Variants in CD3G observed in about 807,000 individuals in gnomAD.
The protein encoded by CD3G is CD3 gamma subunit of T-cell receptor complex, also known as T-cell surface glycoprotein CD3 gamma chain.
CD3G carries 24 observed loss-of-function variants against 28.3 expected under a neutral mutation model. The observed-to-expected ratio is 0.85, with a 90% CI of 0.61 to 1.19. CD3G has a LOEUF of 1.19. CD3G is among the 50% of genes most tolerant of loss of function. The pLI is 0.00. For missense variants in CD3G, 211 were observed against 210.0 expected (o/e 1.00, Z -0.03); for synonymous variants, 71 against 75.9 (o/e 0.93, Z 0.34).
At chr11:118,345,439 G>C (rs1490128088) in intron 1 of CD3G, among the ~76,000 whole-genome samples, 1 of 152,194 alleles carries the variant, frequency 6.6e-6, no homozygotes, top group Non-Finnish European at 1.5e-5. Context: ...GCAGGGTATT[G>C]TGAGTGGAAG....
chr11:118,345,708 A>G (rs3212263), intron 1 of CD3G, among the ~76,000 whole-genome samples: 48,906 of 151,954 alleles, frequency 0.32, 8,176 homozygotes, highest in East Asian at 0.55. Flanking sequence ...GAGCACAGAG[A>G]GGAAGGCAAC....
intron 1 of CD3G, among the ~76,000 whole-genome samples, chr11:118,345,886 T>A (rs527471318): frequency 6.6e-6 from 1 of 152,156 alleles, no homozygotes; most frequent in African/African-American, 2.4e-5. Flanking sequence ...TGATGACCGG[T>A]TGGGAGACTT....
chr11:118,350,635 G>A lies in CD3G; in HGVS notation c.391G>A (p.Val131Ile). ...AATCGTCAGCATTTTCGTCCTTGCT[G>A]TTGGGGTCTACTTCATTGCTGGACA... The part of the protein sequence containing the change: ...AEIVSIFVLA[V>I]GVYFIAGQDG... The change falls in exon 4 of 7, where the codon GTT becomes ATT. Residue 131 changes from valine (V) to isoleucine (I), a missense_variant. Transcript: ENST00000532917. 1 of 1,613,416 alleles carries A rather than the reference G, an allele frequency of 6.2e-7. No individual in the cohort carries two copies. Among genetic ancestry groups the A allele is most frequent in the Non-Finnish European group, 8.5e-7 (1 of 1,179,820 alleles).
chr11:118,350,867 C>T, intron 4 of CD3G, 184 bp downstream of exon 4: 1 of 1,160,446 alleles, frequency 8.6e-7, no homozygotes, highest in South Asian at 1.7e-5. Flanking sequence ...GTTCACCTGT[C>T]TCAAGATACA....
intron 4 of CD3G, among the ~76,000 whole-genome samples, chr11:118,351,136 G>A (rs549207643): frequency 5.7e-5 from 8 of 139,582 alleles, no homozygotes; most frequent in African/African-American, 1.9e-4. Context: ...TGCGTGAGCC[G>A]AGATCGTGCC....
chr11:118,353,245 G>A lies in CD3G; in HGVS notation c.*145G>A, dbSNP rs200913958. 2 of 151,924 alleles carry A rather than the reference G, an allele frequency of 1.3e-5. No individual in the cohort carries two copies. The highest frequency in any genetic ancestry group is 2.4e-5 in the African/African-American group (1 of 41,356). The allele number at this position is 151,924 out of a possible 1,614,324, so 9.4% of individuals were successfully genotyped here. On this transcript the variant is annotated 3_prime_UTR_variant, in exon 7 of 7. Coordinates refer to ENST00000532917, the MANE Select transcript of CD3G (RefSeq NM_000073.3). ...CCAGAGATGACAAATGGAGAAGAAAGGCCATCAGAGCAAATTTGGGGGTTT... is the reference window on the plus strand; with the variant it reads ...CCAGAGATGACAAATGGAGAAGAAAAGCCATCAGAGCAAATTTGGGGGTTT...
chr11:118,349,339 G>T, intron 2 of CD3G: 1 of 1,305,982 alleles, frequency 7.7e-7, no homozygotes, highest in South Asian at 1.6e-5. Context: ...GCGTCACCTG[G>T]GATCCTGACG....
chr11:118,349,742 G>C lies in CD3G; in HGVS notation c.80-1G>C, dbSNP rs775848095. 10 of 1,612,016 alleles carry C rather than the reference G, an allele frequency of 6.2e-6. No individual in the cohort carries two copies. In the Admixed American group the frequency reaches 1.2e-4, roughly 19 times the overall value. ...TAGAACCACGGCTTTTCTCATTTCA[G>C]GAAACCACTTGGTTAAGGTGTATGA... On this transcript the variant is annotated splice_acceptor_variant, in intron 2 of 6. Coordinates refer to ENST00000532917, the MANE Select transcript of CD3G (RefSeq NM_000073.3). LOFTEE classifies it high-confidence loss of function.
At chr11:118,350,400 A>C (rs1339464110) in intron 3 of CD3G, 152 bp from the exon 4 acceptor site, 1 of 724,854 alleles carries the variant, frequency 1.4e-6, no homozygotes, top group Non-Finnish European at 2.5e-6. Flanking sequence ...AGATGCATTG[A>C]GTTTTGGCGC....
chr11:118,349,546 C>A (rs1054479273), intron 2 of CD3G, 197 bp from the exon 3 acceptor site: 7 of 641,360 alleles, frequency 1.1e-5, no homozygotes, highest in East Asian at 2.8e-5. Context: ...TGGCGTCACC[C>A]GAGAGCATGT....
Position 118,344,497 on chromosome 11 carries a change from T to C in CD3G, c.55+19T>C, listed in dbSNP as rs1191531910. 1 of 1,555,114 alleles carries C rather than the reference T, an allele frequency of 6.4e-7. No homozygotes were observed. The highest frequency in any genetic ancestry group is 1.2e-5 in the South Asian group (1 of 84,436). On this transcript the variant is annotated intron_variant, in intron 1 of 6. Coordinates refer to ENST00000532917, the MANE Select transcript of CD3G (RefSeq NM_000073.3). ...CTTCAAGGTAAGGGCCTACTAGGGG[T>C]CTGGAAGCCTGGGGAAGGGCTCAAG...
At position 118,351,702 on chromosome 11, in the gene CD3G, C is replaced by T. The variant is rs757487886; in HGVS notation, c.483+31C>T. On this transcript the variant is annotated intron_variant, in intron 5 of 6. Transcript: ENST00000532917. ...GGGATGAAGAATAAAAGAGACATTG[C>T]TGTAATTAGTGGGGGTAAATCTTTG... 5 of 1,605,862 alleles carry T rather than the reference C, an allele frequency of 3.1e-6. No individual in the cohort carries two copies. In the Admixed American group the frequency reaches 8.3e-5, roughly 27 times the overall value.
chr11:118,354,448 A>C lies in CD3G; in HGVS notation c.*1348A>C, dbSNP rs1948434184. Reference sequence around the variant, plus strand: ...CTCCCGAGTAGCTGAGACTACAGGCACATGCCACCACGCCCAGCTCATTTT... The same window carrying C: ...CTCCCGAGTAGCTGAGACTACAGGCCCATGCCACCACGCCCAGCTCATTTT... On this transcript the variant is annotated 3_prime_UTR_variant, in exon 7 of 7. Coordinates refer to ENST00000532917, the MANE Select transcript of CD3G (RefSeq NM_000073.3). 6.6e-6 allele frequency: 1 copy of C among 151,178 alleles called. No individual in the cohort carries two copies. Among genetic ancestry groups the C allele is most frequent in the Non-Finnish European group, 1.5e-5 (1 of 67,898 alleles). 9.4% of individuals were successfully genotyped at this position (151,178 alleles called of 1,614,324 possible). A position where few individuals can be genotyped will look rare whatever the true frequency, so the allele number is the denominator to read the frequency against.
rs1948426061 is a variant in CD3G, at chr11:118,353,414, G to C, written c.*314G>C. On this transcript the variant is annotated 3_prime_UTR_variant, in exon 7 of 7. Transcript: ENST00000532917. ...GTGTTGTAATTTTTATTTCGTTTTT[G>C]TATAGGTTATAATTCACATGGCTCA... The C allele has an allele frequency of 6.6e-6, 1 of 151,142 alleles. No individual in the cohort carries two copies. Among genetic ancestry groups the C allele is most frequent in the African/African-American group, 2.4e-5 (1 of 41,152 alleles). 9.4% of individuals were successfully genotyped at this position (151,142 alleles called of 1,614,324 possible).
At position 118,348,980 on chromosome 11, in the gene CD3G, A is replaced by G. The variant is rs773443248; in HGVS notation, c.56-47A>G. ...CATGGAAATACTTCAGGGCATCTGAACAACTCCATGCCCAGCTAATACTCT... is the reference window on the plus strand; with the variant it reads ...CATGGAAATACTTCAGGGCATCTGAGCAACTCCATGCCCAGCTAATACTCT... On this transcript the variant is annotated intron_variant, in intron 1 of 6. Coordinates refer to ENST00000532917, the MANE Select transcript of CD3G (RefSeq NM_000073.3). 4.4e-6 allele frequency: 7 copies of G among 1,607,270 alleles called. No individual in the cohort carries two copies. The East Asian group carries it at 1.1e-4, about 26-fold the overall frequency.
chr11:118,350,132 T>C, intron 3 of CD3G, 162 bp downstream of exon 3: 1 of 658,772 alleles, frequency 1.5e-6, no homozygotes, highest in Non-Finnish European at 2.6e-6. Flanking sequence ...GTAAGATACT[T>C]CCCTCACCCT....
Position 118,351,653 on chromosome 11 carries a change from C to T in CD3G, c.465C>T (p.Pro155=). 1 of 1,613,868 alleles carries T rather than the reference C, an allele frequency of 6.2e-7. No homozygotes were observed. The highest frequency in any genetic ancestry group is 1.3e-5 in the African/African-American group (1 of 74,964). ...SRASDKQTLL[P]NDQLYQPLKD... Reference sequence around the variant, plus strand: ...CTTCAGACAAGCAGACTCTGTTGCCCAATGACCAGCTCTACCAGGTAAGGG... The same window carrying T: ...CTTCAGACAAGCAGACTCTGTTGCCTAATGACCAGCTCTACCAGGTAAGGG... The change falls in exon 5 of 7, where the codon CCC becomes CCT. Residue 155 remains proline, a synonymous_variant. Transcript: ENST00000532917.
Position 118,350,544 on chromosome 11 carries a change from C to T in CD3G, c.308-8C>T. ...AACCTGAAGGTTTGTCTCTCCTTTT[C>T]CCTACAGTGTGTCAGAACTGCATTG... On this transcript the variant is annotated splice_region_variant and splice_polypyrimidine_tract_variant and intron_variant, in intron 3 of 6. Coordinates refer to ENST00000532917, the MANE Select transcript of CD3G (RefSeq NM_000073.3). The T allele has an allele frequency of 1.2e-6, 2 of 1,605,724 alleles. No homozygotes were observed. The highest frequency in any genetic ancestry group is 1.1e-5 in the South Asian group (1 of 90,872).
In CD3G at chr11:118,351,747, T is replaced by C. The variant is rs579037; in HGVS notation, c.483+76T>C. On this transcript the variant is annotated intron_variant, in intron 5 of 6. Transcript: ENST00000532917. ...TCTTTGGGATTGAGGGGCATGTTAT[T>C]TGGAAGATCCTATACAGGTAAGAAA... 6,895 of 1,370,836 alleles carry C rather than the reference T, an allele frequency of 5.0e-3. 31 individuals are homozygous for C. Among genetic ancestry groups the C allele is most frequent in the Non-Finnish European group, 6.2e-3 (5,922 of 959,440 alleles). 84.9% of individuals were successfully genotyped at this position (1,370,836 alleles called of 1,614,324 possible).
Sources: gnomAD v4.1 joint callset for allele counts (sites outside exome capture counted in the v4.1 genomes callset) on GRCh38, gnomAD v4.1.1 for gene constraint, MANE v1.5 for transcripts, NCBI Gene and HGNC (gene_info 2026-07-23, HGNC 2026-07-21) for gene names.